Variants in TECTA observed in about 807,000 individuals in gnomAD.
TECTA encodes alpha-tectorin.
In TECTA, 128 loss-of-function variants were observed where a neutral mutation model predicts 216.8. The ratio of observed to expected loss-of-function variants is 0.59; its 90% CI spans 0.51 to 0.68. The LOEUF (loss-of-function observed/expected upper bound fraction) is 0.68, where lower values mean the gene tolerates loss of function less well. Among genes scored for constraint, TECTA ranks in the 30% least tolerant of loss-of-function variants. The probability of loss-of-function intolerance (pLI) is 0.00; values close to 1 mark genes in which losing one functional copy is unlikely to be tolerated. For synonymous variants in TECTA, 1,089 were observed against 1,117.1 expected (o/e 0.97, Z 0.50); for missense variants, 2,551 against 2,786.2 (o/e 0.92, Z 1.90).
chr11:121,173,308 T>G (rs1262168477), intron 20 of TECTA, among the ~76,000 whole-genome samples: 2 of 150,582 alleles, frequency 1.3e-5, no homozygotes, highest in Non-Finnish European at 3.0e-5. Flanking sequence ...TCTTCTAGGG[T>G]TTTTATGGTT....
chr11:121,139,683 CTG>C (rs1946765063), intron 11 of TECTA, among the ~76,000 whole-genome samples: 2 of 130,334 alleles, frequency 1.5e-5, no homozygotes, highest in African/African-American at 8.2e-5. Context: ...GAGCAAGACT[CTG>C]TCTCAAAAAA....
intron 11 of TECTA, among the ~76,000 whole-genome samples, chr11:121,141,887 T>C (rs181320367): frequency 1.1e-4 from 17 of 152,272 alleles, no homozygotes; most frequent in African/African-American, 3.9e-4. Context: ...GCAGTTAATG[T>C]CCATGTAACA....
rs374614757 is a variant in TECTA at position 121,145,856 on chromosome 11, G to C, written c.3845G>C (p.Gly1282Ala). The C allele has an allele frequency of 6.2e-7, 1 of 1,614,212 alleles. No homozygotes were observed. Among genetic ancestry groups the C allele is most frequent in the Non-Finnish European group, 8.5e-7 (1 of 1,180,026 alleles). The change falls in exon 12 of 24, where the codon GGG becomes GCG. Residue 1282 changes from glycine (G) to alanine (A), a missense_variant. Gly to Ala is a moderately conservative substitution (Grantham distance 60). Around this residue, in one of 3 missense-constraint regions of TECTA, gnomAD observed 2,375 missense variants for 2,563.9 expected, o/e 0.93. Transcript: ENST00000392793. ...GACACCTTCTGCCAGGTGGGCTGTG[G>C]GGACCGCTGTCCGTCCTGTGCCAAG... is the stretch of plus-strand genomic sequence containing the variant. Reference protein sequence around the residue: ...KRDTFCQVGCGDRCPSCAKVE... With the variant: ...KRDTFCQVGCADRCPSCAKVE...
chr11:121,125,345 G>A lies in TECTA; in HGVS notation c.1247G>A (p.Gly416Glu), dbSNP rs186922301. 6.2e-7 allele frequency: 1 copy of A among 1,614,084 alleles called. No individual in the cohort carries two copies. Among genetic ancestry groups the A allele is most frequent in the East Asian group, 2.2e-5 (1 of 44,892 alleles). Residue 416 changes from glycine (G) to glutamate (E), a missense_variant, in exon 8 of 24, where the codon GGG becomes GAG. Coordinates refer to ENST00000392793, the MANE Select transcript of TECTA (RefSeq NM_005422.4). ...VTSLPVTLDL[G>E]TVKIYQSGIS... is the part of the protein sequence containing the mutation. ...TCTTTGCCTGTCACCTTAGACTTGG[G>A]GACAGTGAAAATCTACCAGAGTGGC...
In TECTA at chr11:121,145,718, G is replaced by T. The variant is rs1181898799; in HGVS notation, c.3707G>T (p.Ser1236Ile). The T allele has an allele frequency of 6.2e-7, 1 of 1,614,236 alleles. No homozygotes were observed. Among genetic ancestry groups the T allele is most frequent in the East Asian group, 2.2e-5 (1 of 44,888 alleles). The change falls in exon 12 of 24, where the codon AGC (serine) becomes ATC (isoleucine). Residue 1236 changes from serine to isoleucine, a missense_variant. By Grantham distance (142) the Ser-to-Ile change is moderately radical (BLOSUM62 -2). Transcript: ENST00000392793. ...ACAGTCCCTCGGAGCATGCAGAACA[G>T]CACCTATGGTCTGTGTGGCCGCTAC... The part of the protein sequence containing the change: ...SITVPRSMQN[S>I]TYGLCGRYNG...
intron 11 of TECTA, among the ~76,000 whole-genome samples, chr11:121,142,492 C>T (rs1488013765): frequency 2.6e-5 from 4 of 152,204 alleles, no homozygotes; most frequent in Non-Finnish European, 5.9e-5. Context: ...CAGGGCTCTC[C>T]TTGGCAATGG....
intron 7 of TECTA, among the ~76,000 whole-genome samples, chr11:121,122,102 A>T (rs1052780880): frequency 2.0e-5 from 3 of 152,026 alleles, no homozygotes; most frequent in East Asian, 1.9e-4. Flanking sequence ...TTTATTTCTC[A>T]AGCTTATTTT....
At chr11:121,103,411 A>T (rs558037610) in intron 2 of TECTA, among the ~76,000 whole-genome samples, 39 of 152,312 alleles carry the variant, frequency 2.6e-4, no homozygotes, top group African/African-American at 9.1e-4. Flanking sequence ...CAAGTGGCAC[A>T]TGAGTACAAG....
chr11:121,171,420 C>G (rs930641903), intron 20 of TECTA, among the ~76,000 whole-genome samples: 1 of 151,922 alleles, frequency 6.6e-6, no homozygotes, highest in African/African-American at 2.4e-5. Flanking sequence ...TCTATTGTGG[C>G]TTTATACAAA....
At chr11:121,176,789 C>T (rs1425426952) in intron 20 of TECTA, among the ~76,000 whole-genome samples, 3 of 152,058 alleles carry the variant, frequency 2.0e-5, no homozygotes, top group Non-Finnish European at 4.4e-5. Context: ...TGGTTCCATT[C>T]TCCCCATCAC....
chr11:121,102,731 T>A lies in TECTA; in HGVS notation c.64+2T>A. 1 of 1,612,748 alleles carries A rather than the reference T, an allele frequency of 6.2e-7. No individual in the cohort carries two copies. The highest frequency in any genetic ancestry group is 1.1e-5 in the South Asian group (1 of 91,052). On this transcript the variant is annotated splice_donor_variant, in intron 2 of 23. Coordinates refer to ENST00000392793, the MANE Select transcript of TECTA (RefSeq NM_005422.4). LOFTEE classifies it high-confidence loss of function. ...TCTTCGCACTTGTACAGCACCAAGG[T>A]GAGTACTACAGAATTCCATAAAGCT... is the stretch of plus-strand genomic sequence containing the variant.
At chr11:121,172,682 A>G (rs980534503) in intron 20 of TECTA, among the ~76,000 whole-genome samples, 3 of 151,612 alleles carry the variant, frequency 2.0e-5, no homozygotes, top group Admixed American at 6.6e-5. Flanking sequence ...AGCATGATTT[A>G]TAGTCCTTTG....
At chr11:121,104,486 G>A (rs561641699) in intron 2 of TECTA, among the ~76,000 whole-genome samples, 40 of 152,194 alleles carry the variant, frequency 2.6e-4, no homozygotes, top group African/African-American at 9.2e-4. Flanking sequence ...TGCTCTCCTT[G>A]GATGTCAGCC....
At chr11:121,182,727 G>A (rs924546155) in intron 20 of TECTA, among the ~76,000 whole-genome samples, 2 of 151,808 alleles carry the variant, frequency 1.3e-5, no homozygotes, top group African/African-American at 2.4e-5. Flanking sequence ...GACACACTTG[G>A]TTGCCAGTGG....
At chr11:121,111,028 T>C (rs114741593) in intron 4 of TECTA, among the ~76,000 whole-genome samples, 16 of 152,264 alleles carry the variant, frequency 1.1e-4, no homozygotes, top group African/African-American at 3.9e-4. Context: ...TAGAAACACA[T>C]ATGATCAGGC....
intron 20 of TECTA, among the ~76,000 whole-genome samples, chr11:121,181,450 A>AATAATTATTATTATTATTATT (rs139722330): frequency 4.0e-4 from 59 of 148,274 alleles, no homozygotes; most frequent in African/African-American, 1.2e-3. Context: ...GTTGCTGGAG[A>AATAATTATTATTATTATTATT]ATTATTATTA....
intron 10 of TECTA, among the ~76,000 whole-genome samples, chr11:121,130,983 G>A (rs552888033): frequency 6.7e-6 from 1 of 148,724 alleles, no homozygotes; most frequent in South Asian, 2.1e-4. Flanking sequence ...GGGAGGCAAA[G>A]GCAGGTGGAT....
chr11:121,168,688 T>G lies in TECTA; in HGVS notation c.5762T>G (p.Leu1921Arg). ...VVKPMLSVIN[L>R]TVPTQEGSFI... is the part of the protein sequence containing the mutation. ...TGTTTCCGTTTTAGTGTAATTAACC[T>G]GACAGTTCCAACCCAAGAAGGCAGC... The change falls in exon 20 of 24, where the codon CTG (leucine) becomes CGG (arginine). Residue 1921 changes from leucine (L) to arginine (R), a missense_variant. Physicochemically the swap from Leu to Arg is moderately radical, Grantham distance 102. This residue lies in a region of TECTA where 2,375 missense variants were observed against 2,563.9 expected (regional missense o/e 0.93). Coordinates refer to ENST00000392793, the MANE Select transcript of TECTA (RefSeq NM_005422.4). 6.2e-7 allele frequency: 1 copy of G among 1,614,192 alleles called. No homozygotes were observed. The highest frequency in any genetic ancestry group is 8.5e-7 in the Non-Finnish European group (1 of 1,180,010).
Position 121,125,565 on chromosome 11 carries a change from C to T in TECTA, c.1467C>T (p.Ser489=), listed in dbSNP as rs1000958197. The T allele has an allele frequency of 6.2e-7, 1 of 1,614,128 alleles. No individual in the cohort carries two copies. The highest frequency in any genetic ancestry group is 8.5e-7 in the Non-Finnish European group (1 of 1,180,040). ...PAMSVLDLGE[S]WRVYHADWKC... ...TGTCTGTCCTGGATCTGGGAGAGAG[C>T]TGGCGTGTGTACCACGCAGACTGGA... Residue 489 remains serine (S), a synonymous_variant, in exon 8 of 24, where the codon AGC becomes AGT. Transcript: ENST00000392793.
Sources: gnomAD v4.1 joint callset for allele counts (sites outside exome capture counted in the v4.1 genomes callset) on GRCh38, gnomAD v4.1.1 for gene constraint, gnomAD v4.1.1 regional missense constraint, MANE v1.5 for transcripts, NCBI Gene and HGNC (gene_info 2026-07-23, HGNC 2026-07-21) for gene names.